The following GRM5 variants were observed in gnomAD, a reference collection of about 807,000 sequenced individuals.
GRM5 encodes the protein glutamate metabotropic receptor 5.
In GRM5, 19 loss-of-function variants were observed where a neutral mutation model predicts 83.1. The ratio of observed to expected loss-of-function variants is 0.23; its 90% confidence interval spans 0.16 to 0.34. The LOEUF is 0.34. GRM5 is among the 10% of genes least tolerant of loss of function. The pLI, the probability that GRM5 is intolerant of heterozygous loss-of-function variation, is 1.00. For synonymous variants in GRM5, 675 were observed against 633.6 expected (o/e 1.07, Z -0.98); for missense variants, 1,160 against 1,588.3 (o/e 0.73, Z 4.58).
At chr11:88,652,755 T>G (rs143937675) in intron 4 of GRM5, among the ~76,000 whole-genome samples, 3 of 152,230 alleles carry the variant, frequency 2.0e-5, no homozygotes, top group Non-Finnish European at 4.4e-5. Context: ...TCAACACTCA[T>G]GTATTCATTC....
At chr11:88,778,483 A>G (rs531492324) in intron 3 of GRM5, among the ~76,000 whole-genome samples, 1 of 152,330 alleles carries the variant, frequency 6.6e-6, no homozygotes, top group African/African-American at 2.4e-5. Flanking sequence ...AGTCCCAGTG[A>G]GATCAACCAG....
rs375051761 is a variant in GRM5 at position 88,821,344 on chromosome 11, CAAAAAAA to C, written c.911+28555_911+28561del. Among the ~76,000 whole-genome samples the C allele has an allele frequency of 5.3e-4, 36 of 68,182 alleles. 1 individual carries two copies. The highest frequency in any genetic ancestry group is 8.8e-4 in the Admixed American group (5 of 5,686). The allele number at this position is 68,182 out of a possible 152,430, so 44.7% of individuals were successfully genotyped here. A position where few individuals can be genotyped will look rare whatever the true frequency, so the allele number is the denominator to read the frequency against. On this transcript the variant is annotated intron_variant, in intron 3 of 9. Transcript: ENST00000305447. ...ATCTTTGAACACTTGCTTGAGGGGC[CAAAAAAA>C]AAAAAAAAAAAGAAAAAAGAAAAAA...
At chr11:88,871,847 C>A (rs914966154) in intron 2 of GRM5, among the ~76,000 whole-genome samples, 10 of 151,050 alleles carry the variant, frequency 6.6e-5, no homozygotes, top group Non-Finnish European at 1.3e-4. Flanking sequence ...TCTTAAATAT[C>A]TTGTAATCCC....
chr11:88,931,055 G>A (rs1440375677), intron 2 of GRM5, among the ~76,000 whole-genome samples: 1 of 119,674 alleles, frequency 8.4e-6, no homozygotes, highest in African/African-American at 3.1e-5. Context: ...ATATAAAAAT[G>A]GAGGACATTC....
chr11:88,580,528 A>T (rs770062151), intron 7 of GRM5, among the ~76,000 whole-genome samples: 37 of 152,236 alleles, frequency 2.4e-4, no homozygotes, highest in Non-Finnish European at 5.0e-4. Context: ...AAATATCAAA[A>T]GTGTATAATG....
At chr11:88,744,764 C>G (rs1263190775) in intron 3 of GRM5, among the ~76,000 whole-genome samples, 1 of 152,138 alleles carries the variant, frequency 6.6e-6, no homozygotes, top group East Asian at 1.9e-4. Context: ...GGAATCAACC[C>G]ATAACAACTC....
In GRM5 at chr11:88,967,195, A is replaced by ATG. The variant is rs200009930; in HGVS notation, c.661+80015_661+80016dup. ...TTACCAAACTCACTAAAGAAGATAT[A>ATG]TGTGTGTGTGTGTGTGTGTATATAT... On this transcript the variant is annotated intron_variant, in intron 2 of 9. Transcript: ENST00000305447. Among the ~76,000 whole-genome samples, 526 of 146,040 alleles carry ATG rather than the reference A, an allele frequency of 3.6e-3. 2 individuals carry two copies. Among genetic ancestry groups the ATG allele is most frequent in the South Asian group, 0.015 (69 of 4,610 alleles).
intron 3 of GRM5, among the ~76,000 whole-genome samples, chr11:88,784,718 C>T (rs1257351519): frequency 1.3e-5 from 2 of 151,954 alleles, no homozygotes; most frequent in Non-Finnish European, 2.9e-5. Context: ...GAAATGAAGG[C>T]TTTTAAAACA....
intron 3 of GRM5, among the ~76,000 whole-genome samples, chr11:88,827,110 G>C (rs752601781): frequency 2.0e-5 from 3 of 152,030 alleles, no homozygotes; most frequent in Non-Finnish European, 2.9e-5. Context: ...TGTTTATTTT[G>C]CTTGAGAAAT....
intron 2 of GRM5, among the ~76,000 whole-genome samples, chr11:88,995,317 G>C (rs532900037): frequency 1.3e-5 from 2 of 151,974 alleles, no homozygotes; most frequent in South Asian, 4.2e-4. Flanking sequence ...GAGGCCAAGG[G>C]AGGTGGATCA....
At chr11:88,746,170 C>G (rs113433294) in intron 3 of GRM5, among the ~76,000 whole-genome samples, 3,398 of 152,162 alleles carry the variant, frequency 0.022, 52 homozygotes, top group African/African-American at 0.046. Context: ...TTAACACGGC[C>G]CAACAAACAG....
chr11:88,996,231 C>T (rs183010444), intron 2 of GRM5, among the ~76,000 whole-genome samples: 70 of 152,276 alleles, frequency 4.6e-4, no homozygotes, highest in African/African-American at 1.6e-3. Context: ...GTGTCTTTAT[C>T]TCTGAAATCC....
chr11:88,808,666 T>C (rs1943539166), intron 3 of GRM5, among the ~76,000 whole-genome samples: 1 of 151,994 alleles, frequency 6.6e-6, no homozygotes. Context: ...TATTGGAATG[T>C]AAAATATTAT....
chr11:88,808,138 G>C (rs965114165), intron 3 of GRM5, among the ~76,000 whole-genome samples: 1 of 151,916 alleles, frequency 6.6e-6, no homozygotes, highest in Non-Finnish European at 1.5e-5. Context: ...TTATAGAAGA[G>C]ACATTTTACA....
At chr11:88,519,237 A>G (rs1273430601) in intron 9 of GRM5, among the ~76,000 whole-genome samples, 1 of 151,890 alleles carries the variant, frequency 6.6e-6, no homozygotes, top group Non-Finnish European at 1.5e-5. Context: ...TAATCCAGAT[A>G]GAAACACAGC....
intron 2 of GRM5, among the ~76,000 whole-genome samples, chr11:88,866,499 T>C (rs1197747291): frequency 3.3e-5 from 5 of 151,930 alleles, no homozygotes; most frequent in Non-Finnish European, 5.9e-5. Context: ...TGTGTATACC[T>C]ATGTAACAAA....
At chr11:88,551,394 CA>C (rs1194383241) in intron 8 of GRM5, among the ~76,000 whole-genome samples, 1 of 152,156 alleles carries the variant, frequency 6.6e-6, no homozygotes, top group Non-Finnish European at 1.5e-5. Flanking sequence ...ATCTACCTCC[CA>C]CCAGCAGACC....
chr11:88,732,059 C>A lies in GRM5; in HGVS notation c.912-78656G>T, dbSNP rs115856912. On this transcript the variant is annotated intron_variant, in intron 3 of 9. Coordinates refer to ENST00000305447, the MANE Select transcript of GRM5 (RefSeq NM_001143831.3). ...TTGAGGTAATAATTATTCATCCAAT[C>A]CCTCTTTGAAACATCCCTGCCTACC... Among the ~76,000 whole-genome samples the A allele has an allele frequency of 5.6e-3, 846 of 152,092 alleles. 6 individuals carry two copies. The highest frequency in any genetic ancestry group is 0.02 in the African/African-American group (811 of 41,520).
intron 3 of GRM5, among the ~76,000 whole-genome samples, chr11:88,793,799 A>G (rs1009737026): frequency 2.6e-5 from 4 of 152,094 alleles, no homozygotes; most frequent in Non-Finnish European, 5.9e-5. Context: ...AAAGGAAACA[A>G]CAGAGAAGAC....
Sources: gnomAD v4.1 joint callset for allele counts (sites outside exome capture counted in the v4.1 genomes callset) on GRCh38, gnomAD v4.1.1 for gene constraint, MANE v1.5 for transcripts, NCBI Gene and HGNC (gene_info 2026-07-23, HGNC 2026-07-21) for gene names.